Variants in JAKMIP3 observed in about 807,000 individuals in gnomAD.
JAKMIP3 encodes janus kinase and microtubule-interacting protein 3.
In JAKMIP3, 58 loss-of-function variants were observed where a neutral mutation model predicts 118.5. That is an observed-to-expected ratio of 0.49 (90% CI 0.40 to 0.61). JAKMIP3 has a LOEUF of 0.61. Ranked by LOEUF, JAKMIP3 falls within the 20% of genes least tolerant of loss-of-function variation. The probability of loss-of-function intolerance (pLI) is 0.00; values close to 1 mark genes in which losing one functional copy is unlikely to be tolerated. For missense variants in JAKMIP3, 950 were observed against 1,109.0 expected, an observed-to-expected ratio of 0.86 and a Z score of 2.04; for synonymous variants, 486 against 451.2, an observed-to-expected ratio of 1.08 and a Z score of -0.98.
chr10:132,105,143 C>T (rs1274108416), intron 2 of JAKMIP3, among the ~76,000 whole-genome samples, 200 bp downstream of exon 2: 2 of 152,180 alleles, frequency 1.3e-5, no homozygotes, highest in South Asian at 2.1e-4. Context: ...GCACAGGTGC[C>T]GTGGTGGTGA....
intron 1 of JAKMIP3, among the ~76,000 whole-genome samples, chr10:132,047,729 C>G (rs141126861): frequency 2.0e-5 from 3 of 151,426 alleles, no homozygotes; most frequent in African/African-American, 7.3e-5. Context: ...GCGCCCCCAC[C>G]GCGCCACGAG....
At chr10:132,085,501 CT>C (rs1459101295) in intron 1 of JAKMIP3, among the ~76,000 whole-genome samples, 1 of 124,382 alleles carries the variant, frequency 8.0e-6, no homozygotes, top group Non-Finnish European at 1.7e-5. Flanking sequence ...AATTTTCTCT[CT>C]CTTTTTTTTT....
At chr10:132,043,721 G>A (rs1465424398) in intron 1 of JAKMIP3, among the ~76,000 whole-genome samples, 2 of 152,176 alleles carry the variant, frequency 1.3e-5, no homozygotes, top group African/African-American at 2.4e-5. Context: ...AGGAGGGCTG[G>A]GGGGAGCGGG....
intron 1 of JAKMIP3, among the ~76,000 whole-genome samples, chr10:132,054,704 G>C (rs916448780): frequency 2.6e-5 from 4 of 152,256 alleles, no homozygotes; most frequent in African/African-American, 9.6e-5. Flanking sequence ...ATAAGACTAA[G>C]GTGTGGTCAG....
intron 1 of JAKMIP3, among the ~76,000 whole-genome samples, chr10:132,045,953 C>T (rs775482044): frequency 3.1e-4 from 45 of 145,510 alleles, no homozygotes; most frequent in Non-Finnish European, 5.4e-4. Context: ...AAAAAATACA[C>T]ACACTCTTTA....
intron 1 of JAKMIP3, among the ~76,000 whole-genome samples, chr10:132,070,201 G>A (rs2039610663): frequency 6.6e-6 from 1 of 152,078 alleles, no homozygotes; most frequent in African/African-American, 2.4e-5. Flanking sequence ...AGGCTGGGGT[G>A]CAGTGGCGCG....
Position 132,180,584 on chromosome 10 carries a change from C to CGTGT in JAKMIP3, c.*1104-1772_*1104-1771insTGTG, listed in dbSNP as rs1485915300. Among the ~76,000 whole-genome samples, 4 of 9,864 alleles carry CGTGT rather than the reference C, an allele frequency of 4.1e-4. 1 individual carries two copies. In the South Asian group the frequency reaches 0.012, roughly 29 times the overall value. The allele number at this position is 9,864 out of a possible 152,430, so 6.5% of individuals were successfully genotyped here. A position where few individuals can be genotyped will look rare whatever the true frequency, so the allele number is the denominator to read the frequency against. Reference sequence around the variant, plus strand: ...GTGTGTGTGCGTGTGTGTGTGCGTGCGCGTGTGTGTGTGCGTGCGCGTGTG... The same window carrying CGTGT: ...GTGTGTGTGCGTGTGTGTGTGCGTGCGTGTGCGTGTGTGTGTGCGTGCGCGTGTG... On this transcript the variant is annotated intron_variant, in intron 23 of 23. Coordinates refer to ENST00000684848, the MANE Select transcript of JAKMIP3 (RefSeq NM_001323087.2).
chr10:132,136,215 G>A, intron 6 of JAKMIP3, 139 bp downstream of exon 6: 2 of 907,602 alleles, frequency 2.2e-6, no homozygotes, highest in Non-Finnish European at 3.3e-6. Context: ...CTGGCCTCAC[G>A]CATGTTTGAA....
intron 1 of JAKMIP3, among the ~76,000 whole-genome samples, chr10:132,075,804 C>CT (rs2040697485): frequency 6.6e-6 from 1 of 152,100 alleles, no homozygotes; most frequent in Non-Finnish European, 1.5e-5. Context: ...ATAAAAAAGT[C>CT]TTTTTATATA....
intron 1 of JAKMIP3, among the ~76,000 whole-genome samples, chr10:132,099,321 C>T (rs943708650): frequency 6.6e-6 from 1 of 152,176 alleles, no homozygotes; most frequent in Non-Finnish European, 1.5e-5. Context: ...ACAGAAACCT[C>T]CTGCCATAAA....
At position 132,148,505 on chromosome 10, in the gene JAKMIP3, T is replaced by TCCGTCCTCCATCTGC. The variant is rs755481043; in HGVS notation, c.1848+467_1848+468insTGCCCGTCCTCCATC. Among the ~76,000 whole-genome samples, 16 of 96,322 alleles carry TCCGTCCTCCATCTGC rather than the reference T, an allele frequency of 1.7e-4. No individual in the cohort carries two copies. The South Asian group carries it at 2.8e-3, about 17-fold the overall frequency. 63.2% of individuals were successfully genotyped at this position (96,322 alleles called of 152,430 possible). On this transcript the variant is annotated intron_variant, in intron 14 of 23. Transcript: ENST00000684848. ...CATCCACCCCCAAGGAGCCGGCACG[T>TCCGTCCTCCATCTGC]CCGTCCTCCATCCGCCCGTCCTCCA...
At chr10:132,178,374 A>C (rs2060385442) in intron 23 of JAKMIP3, among the ~76,000 whole-genome samples, 1 of 152,336 alleles carries the variant, frequency 6.6e-6, no homozygotes, top group South Asian at 2.1e-4. Context: ...AGGGAGGAGG[A>C]GGCACAGCCT....
upstream of JAKMIP3, among the ~76,000 whole-genome samples, chr10:132,036,458 C>T (rs2037498526): frequency 6.6e-6 from 1 of 152,198 alleles, no homozygotes; most frequent in African/African-American, 2.4e-5. Context: ...CCTACGCGCG[C>T]CCCGCGGCCC....
At chr10:132,127,792 A>G (rs1009372575) in intron 3 of JAKMIP3, among the ~76,000 whole-genome samples, 2 of 152,012 alleles carry the variant, frequency 1.3e-5, no homozygotes, top group Non-Finnish European at 2.9e-5. Flanking sequence ...ATTTAGTGTT[A>G]TTCCATTAGT....
At position 132,040,743 on chromosome 10, in the gene JAKMIP3, A is replaced by G. The variant is rs543588081; in HGVS notation, c.-138+4005A>G. Among the ~76,000 whole-genome samples the G allele has an allele frequency of 9.2e-5, 14 of 152,114 alleles. No individual in the cohort carries two copies. The South Asian group carries it at 1.0e-3, about 11-fold the overall frequency. ...TAAGTGTACGACACTTAAAGTGTCA[A>G]TGACCCTTGGTGGTTGGTGCAGGTT... On this transcript the variant is annotated intron_variant, in intron 1 of 23. Coordinates refer to the JAKMIP3 transcript ENST00000657785.
chr10:132,069,475 AG>A (rs1325841566), intron 1 of JAKMIP3, among the ~76,000 whole-genome samples: 3 of 152,088 alleles, frequency 2.0e-5, no homozygotes, highest in African/African-American at 7.2e-5. Flanking sequence ...CAACCTTCTC[AG>A]GGGGCTCCTG....
intron 3 of JAKMIP3, among the ~76,000 whole-genome samples, chr10:132,127,423 T>TGTGTGC (rs2049829636): frequency 6.7e-6 from 1 of 149,458 alleles, no homozygotes; most frequent in African/African-American, 2.5e-5. Context: ...TGTGTGCGTG[T>TGTGTGC]GTGTGTGTTT....
intron 10 of JAKMIP3, among the ~76,000 whole-genome samples, chr10:132,141,463 C>T (rs919279799): frequency 3.3e-5 from 5 of 152,184 alleles, no homozygotes; most frequent in African/African-American, 9.7e-5. Context: ...TGGGAGGAGA[C>T]GTGCTGCCTG....
chr10:132,156,319 G>A (rs1462451923), intron 19 of JAKMIP3, among the ~76,000 whole-genome samples: 1 of 152,116 alleles, frequency 6.6e-6, no homozygotes, highest in African/African-American at 2.4e-5. Context: ...GCATGGACAG[G>A]TTCCTCTCTG....
Sources: allele counts gnomAD v4.1 joint callset (sites outside exome capture counted in the v4.1 genomes callset), GRCh38; gene constraint gnomAD v4.1.1; transcripts MANE v1.5; gene names NCBI Gene and HGNC (gene_info 2026-07-23, HGNC 2026-07-21).